NRG1: variants seen among roughly 807,000 people sequenced by gnomAD.
The protein encoded by NRG1 is pro-neuregulin-1, membrane-bound isoform.
NRG1 carries 18 observed loss-of-function variants against 63.8 expected under a neutral mutation model. That is an observed-to-expected ratio of 0.28 (90% CI 0.19 to 0.42). The LOEUF (loss-of-function observed/expected upper bound fraction) is 0.42, where lower values mean the gene tolerates loss of function less well. Among genes scored for constraint, NRG1 ranks in the 10% least tolerant of loss-of-function variants. The pLI, the probability that NRG1 is intolerant of heterozygous loss-of-function variation, is 1.00. For synonymous variants in NRG1, 302 were observed against 301.3 expected, an observed-to-expected ratio of 1.00 and a Z score of -0.02; for missense variants, 762 against 814.7, an observed-to-expected ratio of 0.94 and a Z score of 0.79.
At chr8:31,887,202 G>A (rs1830784016) in intron 1 of NRG1, among the ~76,000 whole-genome samples, 1 of 152,020 alleles carries the variant, frequency 6.6e-6, no homozygotes, top group South Asian at 2.1e-4. Flanking sequence ...TGAGATAGCA[G>A]ATGGTTTTCC....
chr8:32,140,704 C>T (rs759800012), intron 1 of NRG1, among the ~76,000 whole-genome samples: 8 of 152,106 alleles, frequency 5.3e-5, no homozygotes, highest in Non-Finnish European at 1.2e-4. Flanking sequence ...CTCAAGTGAT[C>T]TTCCCACTTC....
intron 1 of NRG1, among the ~76,000 whole-genome samples, chr8:32,239,771 A>G (rs756701737): frequency 4.6e-5 from 7 of 152,220 alleles, no homozygotes; most frequent in South Asian, 2.1e-4. Context: ...AATTTTACCA[A>G]AGATGATATA....
intron 2 of NRG1, among the ~76,000 whole-genome samples, chr8:32,601,338 A>T (rs1469166307): frequency 6.6e-6 from 1 of 152,170 alleles, no homozygotes; most frequent in Non-Finnish European, 1.5e-5. Flanking sequence ...CACTGATCTA[A>T]TTTAATCTTT....
intron 1 of NRG1, among the ~76,000 whole-genome samples, chr8:32,499,806 G>A (rs1827645997): frequency 6.6e-6 from 1 of 152,162 alleles, no homozygotes; most frequent in Admixed American, 6.5e-5. Flanking sequence ...CTTCCTGAGT[G>A]GTCCAAACTA....
At chr8:32,560,051 A>G (rs1230652607) in intron 1 of NRG1, among the ~76,000 whole-genome samples, 1 of 152,026 alleles carries the variant, frequency 6.6e-6, no homozygotes, top group East Asian at 1.9e-4. Context: ...ATGAAATAGT[A>G]TTTTCAAGAC....
chr8:31,715,089 A>G (rs1446376947), intron 1 of NRG1, among the ~76,000 whole-genome samples: 1 of 152,152 alleles, frequency 6.6e-6, no homozygotes, highest in Non-Finnish European at 1.5e-5. Context: ...TGCTATATTT[A>G]TGAAAGGATG....
In NRG1 at chr8:31,946,698, G is replaced by T. The variant is rs557256003; in HGVS notation, c.37+307267G>T. Among the ~76,000 whole-genome samples, 17 of 152,234 alleles carry T rather than the reference G, an allele frequency of 1.1e-4. No individual in the cohort carries two copies. The South Asian group carries it at 3.5e-3, about 32-fold the overall frequency. ...CGGCTGTCATGAGGATTAGAAAATG[G>T]TGTCCCCTCCAGGAGGATACTGCCT... On this transcript the variant is annotated intron_variant, in intron 1 of 10. Transcript: ENST00000519301.
intron 5 of NRG1, among the ~76,000 whole-genome samples, chr8:32,637,215 T>C (rs1400428675): frequency 6.6e-6 from 1 of 152,182 alleles, no homozygotes; most frequent in African/African-American, 2.4e-5. Flanking sequence ...ACTGAGTGTC[T>C]ACCCATTTAT....
At chr8:32,650,860 C>T (rs942932991) in intron 5 of NRG1, among the ~76,000 whole-genome samples, 3 of 152,040 alleles carry the variant, frequency 2.0e-5, no homozygotes, top group Non-Finnish European at 2.9e-5. Flanking sequence ...TTTATTCTCC[C>T]GTTTCCATTT....
chr8:32,261,989 G>A (rs1850429412), intron 1 of NRG1, among the ~76,000 whole-genome samples: 1 of 152,036 alleles, frequency 6.6e-6, no homozygotes, highest in Non-Finnish European at 1.5e-5. Flanking sequence ...AGATCGCCTT[G>A]AATTCAAACC....
intron 1 of NRG1, among the ~76,000 whole-genome samples, chr8:31,807,948 C>CGTGTGTGT (rs71208141): frequency 1.4e-3 from 189 of 137,154 alleles, no homozygotes; most frequent in East Asian, 7.3e-3. Flanking sequence ...AGAGTATTCG[C>CGTGTGTGT]GTGTGTGTGT....
intron 1 of NRG1, among the ~76,000 whole-genome samples, chr8:31,918,145 C>T (rs902583597): frequency 6.6e-6 from 1 of 152,132 alleles, no homozygotes; most frequent in Non-Finnish European, 1.5e-5. Flanking sequence ...ATGTCATCTG[C>T]AAACAGGGAC....
At chr8:32,690,610 G>A (rs1483461522) in intron 5 of NRG1, among the ~76,000 whole-genome samples, 1 of 152,086 alleles carries the variant, frequency 6.6e-6, no homozygotes, top group Non-Finnish European at 1.5e-5. Context: ...GCCAGTGATA[G>A]TTTATAAAAG....
At chr8:31,830,346 C>T (rs1563454665) in intron 1 of NRG1, among the ~76,000 whole-genome samples, 1 of 114,420 alleles carries the variant, frequency 8.7e-6, no homozygotes, top group Non-Finnish European at 1.8e-5. Context: ...TCCTTCCTTC[C>T]TTCCTTCCTT....
At chr8:31,733,309 A>T (rs552280858) in intron 1 of NRG1, among the ~76,000 whole-genome samples, 1 of 152,124 alleles carries the variant, frequency 6.6e-6, no homozygotes, top group South Asian at 2.1e-4. Context: ...TGATATAAAG[A>T]TTTCTCTTCC....
chr8:32,391,846 T>A (rs779749499), intron 1 of NRG1, among the ~76,000 whole-genome samples: 5 of 152,194 alleles, frequency 3.3e-5, no homozygotes, highest in African/African-American at 4.8e-5. Flanking sequence ...AGGGGAAAGA[T>A]CAGCTGCTGA....
intron 1 of NRG1, among the ~76,000 whole-genome samples, chr8:32,441,016 A>G (rs1347569057): frequency 1.3e-5 from 2 of 151,990 alleles, no homozygotes; most frequent in African/African-American, 4.8e-5. Flanking sequence ...ACACTCATTA[A>G]TTACAGTTAA....
rs756489856 is a variant in NRG1 at position 32,463,874 on chromosome 8, C to CTTTTTT, written c.38-131920_38-131915dup. On this transcript the variant is annotated intron_variant, in intron 1 of 10. Coordinates refer to the NRG1 transcript ENST00000519301. ...ACACACACGAAAAAAACTTAGAATT[C>CTTTTTT]TTTTTTTTTTTTTTTTTTTTTTTTT... 5.8e-3 allele frequency among the ~76,000 whole-genome samples: 244 copies of CTTTTTT among 42,334 alleles called. 41 individuals carry two copies. Among genetic ancestry groups the CTTTTTT allele is most frequent in the Middle Eastern group, 0.021 (1 of 48 alleles). The allele number at this position is 42,334 out of a possible 152,430, so 27.8% of individuals were successfully genotyped here. A position where few individuals can be genotyped will look rare whatever the true frequency, so the allele number is the denominator to read the frequency against.
intron 1 of NRG1, among the ~76,000 whole-genome samples, chr8:31,729,237 GTT>G (rs55859430): frequency 0.61 from 91,608 of 149,650 alleles, 29,201 homozygotes; most frequent in African/African-American, 0.77. Context: ...AATAAACAAA[GTT>G]TTTTTTTTTT....
Sources: allele counts gnomAD v4.1 joint callset (sites outside exome capture counted in the v4.1 genomes callset), GRCh38; gene constraint gnomAD v4.1.1; transcripts MANE v1.5; gene names NCBI Gene and HGNC (gene_info 2026-07-23, HGNC 2026-07-21).